DYNC2I2: variants seen among roughly 807,000 people sequenced by gnomAD.
DYNC2I2 encodes the protein cytoplasmic dynein 2 intermediate chain 2.
In DYNC2I2, 39 loss-of-function variants were observed where a neutral mutation model predicts 52.0. The observed-to-expected ratio is 0.75, with a 90% CI of 0.58 to 0.98. The LOEUF is 0.98. DYNC2I2 is among the 50% of genes least tolerant of loss of function. The pLI is 0.00. For synonymous variants in DYNC2I2, 359 were observed against 321.1 expected (o/e 1.12, Z -1.26); for missense variants, 743 against 728.4 (o/e 1.02, Z -0.23).
Position 128,636,286 on chromosome 9 carries a change from A to ACGTGGGAGGGCTG in DYNC2I2, c.685_697dup (p.Val233AlafsTer13), listed in dbSNP as rs1435509797. 1 of 1,568,324 alleles carries ACGTGGGAGGGCTG rather than the reference A, an allele frequency of 6.4e-7. No individual in the cohort carries two copies. Among genetic ancestry groups the ACGTGGGAGGGCTG allele is most frequent in the Non-Finnish European group, 8.6e-7 (1 of 1,157,140 alleles). On this transcript the variant is annotated frameshift_variant, in exon 4 of 9. Transcript: ENST00000372715. LOFTEE classifies it high-confidence loss of function. The stretch of plus-strand genomic sequence containing the variant: ...GGACACAGCAGGCAGCTCACCTGCG[A>ACGTGGGAGGGCTG]CGTGGGAGGGCTGCGTGGGGTGGAA...
intron 1 of DYNC2I2, among the ~76,000 whole-genome samples, chr9:128,656,074 G>A (rs905705093): frequency 5.9e-5 from 9 of 151,680 alleles, no homozygotes; most frequent in African/African-American, 2.2e-4. Flanking sequence ...CAGCCAGCGT[G>A]GTGGCCCGCG....
rs1234714470 is a variant in DYNC2I2, at chr9:128,656,627, G to A, written c.100C>T (p.Arg34Trp). The change falls in exon 1 of 9, where the codon CGG (arginine) becomes TGG (tryptophan). Residue 34 changes from arginine (R) to tryptophan (W), a missense_variant. Coordinates refer to ENST00000372715, the MANE Select transcript of DYNC2I2 (RefSeq NM_052844.4). ...VGVASGPGPG[R>W]PGPLQDETLG... ...GTCTCGTCCTGCAGCGGCCCTGGCC[G>A]CCCCGGCCCCGGGCCGCTCGCAACC... The A allele has an allele frequency of 2.7e-6, 4 of 1,498,294 alleles. No homozygotes were observed. Among genetic ancestry groups the A allele is most frequent in the Non-Finnish European group, 3.5e-6 (4 of 1,131,570 alleles). 92.8% of individuals were successfully genotyped at this position (1,498,294 alleles called of 1,614,324 possible).
rs1362126171 is a variant in DYNC2I2 at position 128,633,878 on chromosome 9, G to T, written c.1477C>A (p.Gln493Lys). ...CCCGCAGCCAAGAGCTGAGTCTGCT[G>T]GCTGTTGAACTCCAGACAGTAGACA... ...SPVYCLEFNS[Q>K]QTQLLAAGDA... The change falls in exon 9 of 9, where the codon CAG becomes AAG. Residue 493 changes from glutamine to lysine, a missense_variant. By Grantham distance (53) the Gln-to-Lys change is moderately conservative. Coordinates refer to ENST00000372715, the MANE Select transcript of DYNC2I2 (RefSeq NM_052844.4). 3.1e-6 allele frequency: 5 copies of T among 1,613,380 alleles called. No individual in the cohort carries two copies. The African/African-American group carries it at 6.7e-5, about 22-fold the overall frequency.
the DYNC2I2 span, chr9:128,684,076 C>T: frequency 4.8e-6 from 6 of 1,256,874 alleles, no homozygotes; most frequent in East Asian, 1.5e-4. Context: ...TGATTTTTAC[C>T]CCCCAATCCC....
the DYNC2I2 span, among the ~76,000 whole-genome samples, chr9:128,674,717 T>C: frequency 6.6e-6 from 1 of 152,100 alleles, no homozygotes; most frequent in Non-Finnish European, 1.5e-5. Context: ...CACTCCAGCC[T>C]GAGAGAGAGA....
chr9:128,657,986 C>T (rs1860864733), upstream of DYNC2I2, among the ~76,000 whole-genome samples: 1 of 151,896 alleles, frequency 6.6e-6, no homozygotes. Flanking sequence ...CCAGCTGCTC[C>T]GGAGGCCAAG....
chr9:128,636,649 A>C (rs1860421234), intron 3 of DYNC2I2, among the ~76,000 whole-genome samples: 1 of 152,174 alleles, frequency 6.6e-6, no homozygotes, highest in African/African-American at 2.4e-5. Context: ...AGGACAGTCC[A>C]TGCCATGCAG....
the DYNC2I2 span, among the ~76,000 whole-genome samples, chr9:128,664,983 A>T: frequency 6.6e-6 from 1 of 151,902 alleles, no homozygotes; most frequent in Non-Finnish European, 1.5e-5. Flanking sequence ...AAAAATAAAA[A>T]CAAGAAAAAT....
chr9:128,676,812 C>T, the DYNC2I2 span, among the ~76,000 whole-genome samples: 2 of 151,458 alleles, frequency 1.3e-5, no homozygotes, highest in Admixed American at 1.3e-4. Context: ...GGATTACAGG[C>T]CTGAGCCACT....
At chr9:128,643,113 C>T (rs1292630358) in intron 1 of DYNC2I2, among the ~76,000 whole-genome samples, 4 of 151,656 alleles carry the variant, frequency 2.6e-5, no homozygotes, top group Non-Finnish European at 5.9e-5. Context: ...CCCTGAGCGC[C>T]GTGGCTCACG....
the DYNC2I2 span, among the ~76,000 whole-genome samples, chr9:128,674,610 G>A: frequency 1.3e-5 from 2 of 152,138 alleles, no homozygotes; most frequent in Non-Finnish European, 2.9e-5. Context: ...GGGCATGGTG[G>A]CACGCACCTG....
the DYNC2I2 span, among the ~76,000 whole-genome samples, chr9:128,672,265 C>T: frequency 2.0e-5 from 3 of 151,964 alleles, no homozygotes; most frequent in Non-Finnish European, 4.4e-5. Context: ...CCACCGCGCC[C>T]GGCCAATTTT....
intron 2 of DYNC2I2, 41 bp downstream of exon 2, chr9:128,640,650 G>C: frequency 1.3e-6 from 2 of 1,589,410 alleles, no homozygotes; most frequent in Non-Finnish European, 1.7e-6. Flanking sequence ...ACAGAAGTGG[G>C]GCAGGGGCTC....
At chr9:128,680,130 G>A in the DYNC2I2 span, among the ~76,000 whole-genome samples, 5 of 151,486 alleles carry the variant, frequency 3.3e-5, no homozygotes, top group Non-Finnish European at 7.4e-5. Context: ...GTGTGACCTC[G>A]GCTCACCACA....
At position 128,634,794 on chromosome 9, in the gene DYNC2I2, G is replaced by A. The variant is rs1385387602; in HGVS notation, c.1109C>T (p.Ala370Val). ...CACGGAGCTGGGCATCCGCGTGAGG[G>A]CTGCCTCTCCAGCTGCCAGGGAACA... ...LKCSLAAGEAALTRMPSSVPL... is the reference protein window; with the variant it reads ...LKCSLAAGEAVLTRMPSSVPL... The change falls in exon 7 of 9, where the codon GCC (alanine) becomes GTC (valine). Residue 370 changes from alanine (A) to valine (V), a missense_variant. Ala to Val is a moderately conservative substitution (Grantham distance 64, BLOSUM62 0). Transcript: ENST00000372715. 6.2e-7 allele frequency: 1 copy of A among 1,611,998 alleles called. No homozygotes were observed.
chr9:128,637,002 T>TA lies in DYNC2I2; in HGVS notation c.460dup (p.Tyr154LeufsTer39). Reference sequence around the variant, plus strand: ...CAGACCCTGCGCTTGGGCTGGCGGGTAGCCCAGGGTATACAGACAAGACAC... The same window carrying TA: ...CAGACCCTGCGCTTGGGCTGGCGGGTAAGCCCAGGGTATACAGACAAGACAC... On this transcript the variant is annotated frameshift_variant, in exon 3 of 9. Coordinates refer to ENST00000372715, the MANE Select transcript of DYNC2I2 (RefSeq NM_052844.4). LOFTEE classifies it high-confidence loss of function. 6.2e-7 allele frequency: 1 copy of TA among 1,613,218 alleles called. No individual in the cohort carries two copies. The highest frequency in any genetic ancestry group is 1.3e-5 in the African/African-American group (1 of 75,008).
Position 128,641,579 on chromosome 9 carries a change from A to T in DYNC2I2, c.187-640T>A, listed in dbSNP as rs566786895. 1.6e-3 allele frequency among the ~76,000 whole-genome samples: 247 copies of T among 152,178 alleles called. 1 individual carries two copies. The highest frequency in any genetic ancestry group is 2.1e-3 in the Non-Finnish European group (141 of 67,982). On this transcript the variant is annotated intron_variant, in intron 1 of 8. Coordinates refer to ENST00000372715, the MANE Select transcript of DYNC2I2 (RefSeq NM_052844.4). ...CAGGAGAGGCCAGCCTCCCTTTCTTACAGACATGCCCAATCTTCACCAAAC... is the reference window on the plus strand; with the variant it reads ...CAGGAGAGGCCAGCCTCCCTTTCTTTCAGACATGCCCAATCTTCACCAAAC...
In DYNC2I2 at chr9:128,635,087, C is replaced by T. The variant is rs756283675; in HGVS notation, c.981+5G>A. Reference sequence around the variant, plus strand: ...GGCCAGGGCAGTTTCCGGGTGCCCACGTACCTTCTTGAGCTTGGTGCTCCG... The same window carrying T: ...GGCCAGGGCAGTTTCCGGGTGCCCATGTACCTTCTTGAGCTTGGTGCTCCG... On this transcript the variant is annotated splice_donor_5th_base_variant and intron_variant, in intron 6 of 8. Coordinates refer to ENST00000372715, the MANE Select transcript of DYNC2I2 (RefSeq NM_052844.4). 7 of 1,607,466 alleles carry T rather than the reference C, an allele frequency of 4.4e-6. No individual in the cohort carries two copies. Among genetic ancestry groups the T allele is most frequent in the Admixed American group, 1.7e-5 (1 of 59,682 alleles).
At chr9:128,647,868 G>A (rs1250190779) in intron 1 of DYNC2I2, among the ~76,000 whole-genome samples, 1 of 151,982 alleles carries the variant, frequency 6.6e-6, no homozygotes, top group Non-Finnish European at 1.5e-5. Flanking sequence ...CCACCCTCTT[G>A]AGAGTCTGAG....
Sources: gnomAD v4.1 joint callset for allele counts (sites outside exome capture counted in the v4.1 genomes callset) on GRCh38, gnomAD v4.1.1 for gene constraint, MANE v1.5 for transcripts, NCBI Gene and HGNC (gene_info 2026-07-23, HGNC 2026-07-21) for gene names.